Variants in RIOK2 observed in about 807,000 individuals in gnomAD.
RIOK2 encodes the protein RIO kinase 2.
Under a neutral mutation model 62.4 loss-of-function variants are expected in RIOK2, and 46 were observed. The observed-to-expected ratio is 0.74, with a 90% confidence interval of 0.58 to 0.94. RIOK2 has a LOEUF of 0.94. Ranked by LOEUF, RIOK2 falls within the 40% of genes least tolerant of loss-of-function variation. The pLI is 0.00. For missense variants in RIOK2, 574 were observed against 658.0 expected (o/e 0.87, Z 1.40); for synonymous variants, 197 against 216.0 (o/e 0.91, Z 0.77).
rs1748678399 is a variant in RIOK2, at chr5:97,160,930, AC to A, written c.*2130del. ...ACGATGCAAGATGGTTACTAGAAAAACATCTTTCAGTCTGGATAAATACACA... is the reference window on the plus strand; with the variant it reads ...ACGATGCAAGATGGTTACTAGAAAAAATCTTTCAGTCTGGATAAATACACA... On this transcript the variant is annotated 3_prime_UTR_variant, in exon 10 of 10. Coordinates refer to ENST00000283109, the MANE Select transcript of RIOK2 (RefSeq NM_018343.3). 6.6e-6 allele frequency: 1 copy of A among 152,340 alleles called. No homozygotes were observed. Among genetic ancestry groups the A allele is most frequent in the Admixed American group, 6.5e-5 (1 of 15,304 alleles). The allele number at this position is 152,340 out of a possible 1,614,324, so 9.4% of individuals were successfully genotyped here.
Position 97,161,085 on chromosome 5 carries a change from T to G in RIOK2, c.*1976A>C, listed in dbSNP as rs1375172018. 2 of 152,202 alleles carry G rather than the reference T, an allele frequency of 1.3e-5. No individual in the cohort carries two copies. The highest frequency in any genetic ancestry group is 4.8e-5 in the African/African-American group (2 of 41,454). 9.4% of individuals were successfully genotyped at this position (152,202 alleles called of 1,614,324 possible). ...TAACCATACAGTATATGTCAGGCAC[T>G]GTAATAAACTCTTTACAAGTGGTAC... is the stretch of plus-strand genomic sequence containing the variant. On this transcript the variant is annotated 3_prime_UTR_variant, in exon 10 of 10. Coordinates refer to ENST00000283109, the MANE Select transcript of RIOK2 (RefSeq NM_018343.3).
At chr5:97,175,746 G>A (rs1741009175) in intron 4 of RIOK2, among the ~76,000 whole-genome samples, 1 of 152,148 alleles carries the variant, frequency 6.6e-6, no homozygotes. Flanking sequence ...ACACACTGTA[G>A]CAATCTTTAA....
rs1748894249 is a variant in RIOK2, at chr5:97,167,986, T to C, written c.878A>G (p.Glu293Gly). 6.3e-7 allele frequency: 1 copy of C among 1,582,278 alleles called. No homozygotes were observed. Among genetic ancestry groups the C allele is most frequent in the African/African-American group, 1.4e-5 (1 of 73,524 alleles). ...AGAAACCTCCACATCAAGAGTGTCT[T>C]CTCTCCTAGAAAAAAAAGGCGTCAA... ...LFPTFKDIRREDTLDVEVSAS... is the reference protein window; with the variant it reads ...LFPTFKDIRRGDTLDVEVSAS... The change falls in exon 8 of 10, where the codon GAA becomes GGA. Residue 293 changes from glutamate (E) to glycine (G), a missense_variant. Physicochemically the swap from Glu to Gly is moderately conservative, Grantham distance 98. Coordinates refer to ENST00000283109, the MANE Select transcript of RIOK2 (RefSeq NM_018343.3).
chr5:97,164,634 A>C lies in RIOK2; in HGVS notation c.1494+417T>G, dbSNP rs78452196. Among the ~76,000 whole-genome samples, 152 of 152,314 alleles carry C rather than the reference A, an allele frequency of 1.0e-3. 3 individuals carry two copies. The East Asian group carries it at 0.013, about 13-fold the overall frequency. ...AATCCTCACAGTGACCAAGCTCATT[A>C]ATCTTCAGCTCATATGAAGAATGAC... On this transcript the variant is annotated intron_variant, in intron 9 of 9. Transcript: ENST00000283109.
chr5:97,182,918 G>A lies in RIOK2; in HGVS notation c.66+208C>T, dbSNP rs1003432038. On this transcript the variant is annotated intron_variant, in intron 1 of 9. Coordinates refer to ENST00000283109, the MANE Select transcript of RIOK2 (RefSeq NM_018343.3). ...AAAAGAAAACAATTATTAGAAGACG[G>A]GACCTTTGCTCTATCTGGGGGAAGG... The A allele has an allele frequency of 5.5e-5, 35 of 632,754 alleles. No individual in the cohort carries two copies. The Admixed American group carries it at 8.9e-4, about 16-fold the overall frequency. 39.2% of individuals were successfully genotyped at this position (632,754 alleles called of 1,614,324 possible). A position where few individuals can be genotyped will look rare whatever the true frequency, so the allele number is the denominator to read the frequency against.
chr5:97,172,687 T>TA (rs969860449), intron 5 of RIOK2, among the ~76,000 whole-genome samples: 11 of 152,214 alleles, frequency 7.2e-5, no homozygotes, highest in Admixed American at 6.5e-4. Context: ...CCCACTCCAA[T>TA]AGCTGCTAAT....
intron 7 of RIOK2, among the ~76,000 whole-genome samples, chr5:97,168,285 G>C (rs2112829076): frequency 6.6e-6 from 1 of 152,230 alleles, no homozygotes; most frequent in East Asian, 1.9e-4. Context: ...TTCAAAGGGG[G>C]CTAAGGATTT....
At chr5:97,174,397 G>A (rs181321813) in intron 4 of RIOK2, among the ~76,000 whole-genome samples, 15 of 152,244 alleles carry the variant, frequency 9.9e-5, no homozygotes, top group African/African-American at 3.6e-4. Context: ...TCTAGCCTGG[G>A]TGATAGAGCA....
chr5:97,166,974 G>A (rs1008228545), intron 8 of RIOK2: 2 of 723,154 alleles, frequency 2.8e-6, no homozygotes, highest in East Asian at 1.3e-4. Context: ...GGAGTGCAGT[G>A]GTACGATCTT....
intron 2 of RIOK2, among the ~76,000 whole-genome samples, chr5:97,178,275 A>C (rs1351393399): frequency 6.6e-6 from 1 of 152,172 alleles, no homozygotes; most frequent in Non-Finnish European, 1.5e-5. Context: ...ATGACTACTG[A>C]TTGTATTTTC....
At chr5:97,170,710 A>C (rs559679109) in intron 6 of RIOK2, among the ~76,000 whole-genome samples, 3 of 152,262 alleles carry the variant, frequency 2.0e-5, no homozygotes, top group Non-Finnish European at 4.4e-5. Context: ...AAACTCTAGT[A>C]GTTATACTTT....
At chr5:97,164,272 G>A (rs921487832) in intron 9 of RIOK2, among the ~76,000 whole-genome samples, 3 of 151,788 alleles carry the variant, frequency 2.0e-5, no homozygotes, top group African/African-American at 7.2e-5. Context: ...AGGCTGAGGT[G>A]GGTGGATCAC....
In RIOK2 at chr5:97,162,059, T is replaced by G. The variant is rs1007544828; in HGVS notation, c.*1002A>C. ...GGGAATCTGCTGTCTTTATCAATCT[T>G]GGAAAAGTCTGTACTATATTCCCTC... On this transcript the variant is annotated 3_prime_UTR_variant, in exon 10 of 10. Coordinates refer to ENST00000283109, the MANE Select transcript of RIOK2 (RefSeq NM_018343.3). 9 of 152,120 alleles carry G rather than the reference T, an allele frequency of 5.9e-5. No individual in the cohort carries two copies. Among genetic ancestry groups the G allele is most frequent in the African/African-American group, 1.9e-4 (8 of 41,376 alleles). 9.4% of individuals were successfully genotyped at this position (152,120 alleles called of 1,614,324 possible).
At chr5:97,167,026 C>T (rs927353540) in intron 8 of RIOK2, 14 of 444,962 alleles carry the variant, frequency 3.1e-5, no homozygotes, top group Non-Finnish European at 3.9e-5. Flanking sequence ...AAGTGATTCT[C>T]CTGCCTCAGT....
intron 5 of RIOK2, among the ~76,000 whole-genome samples, chr5:97,171,612 C>T (rs1243115136): frequency 6.6e-6 from 1 of 152,142 alleles, no homozygotes; most frequent in African/African-American, 2.4e-5. Flanking sequence ...TACTACCTTT[C>T]TTTGATCTTT....
chr5:97,178,736 G>T (rs111525413), intron 2 of RIOK2: 1 of 326,886 alleles, frequency 3.1e-6, no homozygotes, highest in Non-Finnish European at 5.5e-6. Context: ...CAGTACCTAC[G>T]TGCTCTTCTG....
intron 9 of RIOK2, among the ~76,000 whole-genome samples, chr5:97,164,197 G>C (rs972752964): frequency 2.0e-5 from 3 of 151,696 alleles, no homozygotes; most frequent in African/African-American, 7.3e-5. Context: ...GGCCAAATTT[G>C]TACTTATATC....
At chr5:97,168,626 A>G (rs958530733) in intron 7 of RIOK2, 134 bp downstream of exon 7, 7 of 502,832 alleles carry the variant, frequency 1.4e-5, no homozygotes, top group East Asian at 1.3e-4. Flanking sequence ...GTTATGTACT[A>G]CAGAGCAATG....
intron 1 of RIOK2, among the ~76,000 whole-genome samples, chr5:97,181,869 G>C (rs1181082729): frequency 1.3e-5 from 2 of 152,204 alleles, no homozygotes; most frequent in Non-Finnish European, 2.9e-5. Flanking sequence ...TTTTCATAGA[G>C]AAAGTCCAGC....
Sources: gnomAD v4.1 joint callset for allele counts (sites outside exome capture counted in the v4.1 genomes callset) on GRCh38, gnomAD v4.1.1 for gene constraint, MANE v1.5 for transcripts, NCBI Gene and HGNC (gene_info 2026-07-23, HGNC 2026-07-21) for gene names.